EVI5: variants seen among roughly 807,000 people sequenced by gnomAD.
EVI5 encodes ecotropic viral integration site 5 protein homolog.
A neutral mutation model predicts 112.0 loss-of-function variants in EVI5; 73 were observed. The ratio of observed to expected loss-of-function variants is 0.65; its 90% CI spans 0.54 to 0.79. EVI5 has a LOEUF of 0.79. EVI5 is among the 30% of genes least tolerant of loss of function. The pLI is 0.00. For missense variants in EVI5, 900 were observed against 968.8 expected (o/e 0.93, Z 0.94); for synonymous variants, 305 against 319.9 (o/e 0.95, Z 0.50).
intron 13 of EVI5, among the ~76,000 whole-genome samples, chr1:92,638,165 C>A (rs1246133999): frequency 6.6e-6 from 1 of 152,080 alleles, no homozygotes; most frequent in East Asian, 1.9e-4. Context: ...AAGAAAACAT[C>A]AAACTCAAAG....
chr1:92,547,445 AAG>A, intron 19 of EVI5, among the ~76,000 whole-genome samples: 1 of 152,358 alleles, frequency 6.6e-6, no homozygotes, highest in African/African-American at 2.4e-5. Context: ...AGAACTAGAG[AAG>A]CAAGAGCAAA....
chr1:92,741,403 C>A (rs1678379054), intron 1 of EVI5, among the ~76,000 whole-genome samples: 2 of 152,166 alleles, frequency 1.3e-5, no homozygotes, highest in South Asian at 4.1e-4. Context: ...GAAATAAGAG[C>A]TGCAAAATAT....
intron 2 of EVI5, among the ~76,000 whole-genome samples, chr1:92,734,180 A>G (rs1676959545): frequency 6.6e-6 from 1 of 152,226 alleles, no homozygotes; most frequent in Non-Finnish European, 1.5e-5. Flanking sequence ...GAAGAATGTT[A>G]GGCCTAGGAT....
At chr1:92,575,592 CAG>C (rs1670948312) in intron 18 of EVI5, among the ~76,000 whole-genome samples, 1 of 105,088 alleles carries the variant, frequency 9.5e-6, no homozygotes. Context: ...TTTTCTGAGA[CAG>C]AGTCTCACCC....
At chr1:92,788,872 G>A (rs184457020), upstream of EVI5, among the ~76,000 whole-genome samples, 11 of 152,270 alleles carry the variant, frequency 7.2e-5, no homozygotes, top group Admixed American at 7.2e-4. Flanking sequence ...ACCTGGTTGA[G>A]CACTCAACAT....
chr1:92,763,787 G>A (rs1331500428), intron 1 of EVI5, among the ~76,000 whole-genome samples: 2 of 151,940 alleles, frequency 1.3e-5, no homozygotes, highest in African/African-American at 4.8e-5. Context: ...GACAGAGGGA[G>A]TCTCTTAAAA....
chr1:92,655,893 T>TAAAAAG (rs1236823531), intron 13 of EVI5, among the ~76,000 whole-genome samples: 1 of 150,590 alleles, frequency 6.6e-6, no homozygotes, highest in Non-Finnish European at 1.5e-5. Context: ...CAAAAATAAA[T>TAAAAAG]AAAAAGAAAA....
At chr1:92,646,031 C>G (rs1660888371) in intron 13 of EVI5, among the ~76,000 whole-genome samples, 1 of 152,222 alleles carries the variant, frequency 6.6e-6, no homozygotes, top group African/African-American at 2.4e-5. Context: ...TGGTTCTAAC[C>G]TGACCCTCAC....
rs1445685805 is a variant in EVI5 at position 92,711,068 on chromosome 1, C to T, written c.150-6324G>A. Among the ~76,000 whole-genome samples the T allele has an allele frequency of 2.0e-5, 3 of 152,068 alleles. No individual in the cohort carries two copies. In the East Asian group the frequency reaches 5.8e-4, roughly 29 times the overall value. On this transcript the variant is annotated intron_variant, in intron 2 of 19. Coordinates refer to ENST00000684568, the MANE Select transcript of EVI5 (RefSeq NM_001350197.2). Reference sequence around the variant, plus strand: ...ATGGCCATATAAGAAAAAAGAATAGCTTGTGTATGGCAGCATGCAGATGAT... The same window carrying T: ...ATGGCCATATAAGAAAAAAGAATAGTTTGTGTATGGCAGCATGCAGATGAT...
At chr1:92,702,119 T>C in intron 5 of EVI5, 22 bp downstream of exon 5, 2 of 1,252,866 alleles carry the variant, frequency 1.6e-6, no homozygotes, top group Non-Finnish European at 2.2e-6. Flanking sequence ...TCATTGGACA[T>C]TTAATACTTA....
intron 9 of EVI5, among the ~76,000 whole-genome samples, chr1:92,688,703 G>A (rs1292215263): frequency 1.3e-5 from 2 of 152,186 alleles, no homozygotes; most frequent in African/African-American, 4.8e-5. Context: ...ACTTAACCAA[G>A]CTCTGAACAT....
chr1:92,652,993 C>T (rs550914988), intron 13 of EVI5, among the ~76,000 whole-genome samples: 31 of 152,226 alleles, frequency 2.0e-4, no homozygotes, highest in Non-Finnish European at 3.7e-4. Context: ...ACTGAACTGT[C>T]GGAGATCTCC....
intron 18 of EVI5, among the ~76,000 whole-genome samples, chr1:92,599,186 A>G (rs1379542111): frequency 6.6e-6 from 1 of 151,990 alleles, no homozygotes; most frequent in African/African-American, 2.4e-5. Flanking sequence ...TTACAAAAGT[A>G]TAATTTTCAT....
At chr1:92,595,562 T>C (rs1435245048) in intron 18 of EVI5, among the ~76,000 whole-genome samples, 2 of 152,046 alleles carry the variant, frequency 1.3e-5, no homozygotes, top group Admixed American at 6.6e-5. Context: ...ACTTAAAGTA[T>C]AATAATAAAA....
At chr1:92,787,700 A>T (rs777453793), upstream of EVI5, among the ~76,000 whole-genome samples, 6 of 151,896 alleles carry the variant, frequency 4.0e-5, no homozygotes, top group Non-Finnish European at 5.9e-5. Context: ...TGATCGTGCC[A>T]CTGCACTCCA....
At chr1:92,670,479 T>TA (rs1247193869) in intron 10 of EVI5, among the ~76,000 whole-genome samples, 1 of 152,222 alleles carries the variant, frequency 6.6e-6, no homozygotes, top group Admixed American at 6.5e-5. Context: ...CCCTTGCTTT[T>TA]AAGCCCCCTT....
intron 18 of EVI5, among the ~76,000 whole-genome samples, chr1:92,585,851 TG>T (rs1353161319): frequency 1.3e-5 from 2 of 149,240 alleles, no homozygotes; most frequent in South Asian, 2.1e-4. Context: ...TTTTTTAACC[TG>T]TTTTTTTTTT....
chr1:92,791,931 A>G (rs540780528), intron 1 of EVI5, among the ~76,000 whole-genome samples: 6 of 152,238 alleles, frequency 3.9e-5, no homozygotes, highest in Non-Finnish European at 5.9e-5. Context: ...AACAAATGCT[A>G]TGGTAACCAG....
intron 2 of EVI5, among the ~76,000 whole-genome samples, chr1:92,710,383 C>T (rs1570506797): frequency 1.3e-5 from 2 of 152,014 alleles, no homozygotes; most frequent in East Asian, 3.9e-4. Flanking sequence ...GGGAATAATT[C>T]ACCTCACTTC....
Sources: gnomAD v4.1 joint callset for allele counts (sites outside exome capture counted in the v4.1 genomes callset) on GRCh38, gnomAD v4.1.1 for gene constraint, MANE v1.5 for transcripts, NCBI Gene and HGNC (gene_info 2026-07-23, HGNC 2026-07-21) for gene names.